TMC4: variants seen among roughly 807,000 people sequenced by gnomAD.
TMC4 encodes the protein transmembrane channel like 4, also known as voltage-gated chloride channel TMC4.
TMC4 carries 70 observed loss-of-function variants against 82.0 expected under a neutral mutation model. The ratio of observed to expected loss-of-function variants is 0.85; its 90% CI spans 0.70 to 1.04. TMC4 has a LOEUF of 1.04. TMC4 is among the 50% of genes least tolerant of loss of function. The probability of loss-of-function intolerance (pLI) is 0.00; values close to 1 mark genes in which losing one functional copy is unlikely to be tolerated. For missense variants in TMC4, 879 were observed against 899.0 expected, an observed-to-expected ratio of 0.98 and a Z score of 0.28; for synonymous variants, 446 against 406.0, an observed-to-expected ratio of 1.10 and a Z score of -1.18.
At chr19:54,165,292 CT>C in intron 6 of TMC4, 126 bp downstream of exon 6, 1 of 1,143,824 alleles carries the variant, frequency 8.7e-7, no homozygotes, top group Middle Eastern at 2.1e-4. Flanking sequence ...CAGGACCTGC[CT>C]TTCTTGGAGA....
At chr19:54,170,992 A>G (rs2075867350) in intron 2 of TMC4, among the ~76,000 whole-genome samples, 1 of 151,880 alleles carries the variant, frequency 6.6e-6, no homozygotes, top group Non-Finnish European at 1.5e-5. Context: ...CACAGGCATG[A>G]TCCCACTACT....
At chr19:54,166,817 G>A (rs2075716894) in intron 5 of TMC4, among the ~76,000 whole-genome samples, 1 of 152,168 alleles carries the variant, frequency 6.6e-6, no homozygotes, top group South Asian at 2.1e-4. Flanking sequence ...GCCGGGCATG[G>A]TGGCACATGC....
chr19:54,162,423 C>T (rs2146869627), intron 10 of TMC4, 138 bp from the exon 11 acceptor site: 1 of 699,310 alleles, frequency 1.4e-6, no homozygotes, highest in South Asian at 2.0e-5. Context: ...CAGGACTCCA[C>T]GTGGAGGGGG....
chr19:54,164,952 G>C (rs974707903), intron 6 of TMC4, among the ~76,000 whole-genome samples: 3 of 151,920 alleles, frequency 2.0e-5, no homozygotes, highest in African/African-American at 7.3e-5. Flanking sequence ...TTTATTCCTG[G>C]CCTGAAGTTC....
rs1568733041 is a variant in TMC4 at position 54,165,372 on chromosome 19, TC to T, written c.945+46del. The T allele has an allele frequency of 4.5e-6, 7 of 1,543,280 alleles. No individual in the cohort carries two copies. The South Asian group carries it at 7.2e-5, about 16-fold the overall frequency. On this transcript the variant is annotated intron_variant, in intron 6 of 14. Transcript: ENST00000619895. ...GGCCCTGTGCGTTATCTCAGCCCGGTCCTGTCTGGTCCCTACCCAGTTGCAG... is the reference window on the plus strand; with the variant it reads ...GGCCCTGTGCGTTATCTCAGCCCGGTCTGTCTGGTCCCTACCCAGTTGCAG...
At chr19:54,164,721 C>T in intron 6 of TMC4, 120 bp from the exon 7 acceptor site, 2 of 1,306,606 alleles carry the variant, frequency 1.5e-6, no homozygotes, top group Non-Finnish European at 2.1e-6. Context: ...GTCTCCCCAC[C>T]CGCTAACAAC....
Position 54,168,976 on chromosome 19 carries a change from C to T in TMC4, c.443-296G>A, listed in dbSNP as rs56839876. Among the ~76,000 whole-genome samples, 55 of 18,474 alleles carry T rather than the reference C, an allele frequency of 3.0e-3. 15 individuals carry two copies. Among genetic ancestry groups the T allele is most frequent in the Non-Finnish European group, 4.0e-3 (41 of 10,280 alleles). 12.1% of individuals were successfully genotyped at this position (18,474 alleles called of 152,430 possible). The stretch of plus-strand genomic sequence containing the variant: ...CCTTCCTTCCTTCCTTCTTCTTTCT[C>T]TCTCTCTCTCTCTCTCTCTATATAT... On this transcript the variant is annotated intron_variant, in intron 3 of 14. Coordinates refer to ENST00000619895, the MANE Select transcript of TMC4 (RefSeq NM_144686.4).
At chr19:54,160,803 C>T in intron 13 of TMC4, 75 bp downstream of exon 13, 1 of 1,561,676 alleles carries the variant, frequency 6.4e-7, no homozygotes, top group Non-Finnish European at 8.7e-7. Flanking sequence ...CCAAGCCTCT[C>T]CTCTCTTGGA....
In TMC4 at chr19:54,162,172, C is replaced by G; in HGVS notation, c.1616G>C (p.Gly539Ala). The G allele has an allele frequency of 6.2e-7, 1 of 1,613,796 alleles. No homozygotes were observed. Among genetic ancestry groups the G allele is most frequent in the Non-Finnish European group, 8.5e-7 (1 of 1,179,920 alleles). Reference protein sequence around the residue: ...LIYAQTVVWVGSFFCPLLPLL... With the variant: ...LIYAQTVVWVASFFCPLLPLL... ...GGGCAGTAAAGGGCAGAAAAAACTCCCCACCCAGACCACCGTCTGCGCGTA... is the reference window on the plus strand; with the variant it reads ...GGGCAGTAAAGGGCAGAAAAAACTCGCCACCCAGACCACCGTCTGCGCGTA... The change falls in exon 11 of 15, where the codon GGG becomes GCG. Residue 539 changes from glycine to alanine, a missense_variant. By Grantham distance (60) the Gly-to-Ala change is moderately conservative (BLOSUM62 0). Coordinates refer to ENST00000619895, the MANE Select transcript of TMC4 (RefSeq NM_144686.4).
Position 54,161,148 on chromosome 19 carries a change from AG to A in TMC4, c.1798del (p.Leu600CysfsTer7). On this transcript the variant is annotated frameshift_variant, in exon 12 of 15. Coordinates refer to ENST00000619895, the MANE Select transcript of TMC4 (RefSeq NM_144686.4). LOFTEE classifies it high-confidence loss of function. The stretch of plus-strand genomic sequence containing the variant: ...CACTTACAGGAAGATGCTGTAAAGC[AG>A]GGGAACGCTGGAGATGGCCAGACCC... Reference protein sequence around the residue: ...LLGLAISSVPLLYSIFLIPPS... With the variant: ...LLGLAISSVPXLYSIFLIPPS... 6.3e-7 allele frequency: 1 copy of A among 1,586,626 alleles called. No homozygotes were observed. The highest frequency in any genetic ancestry group is 1.1e-5 in the South Asian group (1 of 87,940).
chr19:54,169,036 TTTC>T (rs1568748669), intron 3 of TMC4, among the ~76,000 whole-genome samples: 6 of 51,720 alleles, frequency 1.2e-4, no homozygotes, highest in African/African-American at 4.1e-4. Context: ...TTTCTTTTCT[TTTC>T]TTTTTTTTTT....
rs782431377 is a variant in TMC4, at chr19:54,160,289, G to C, written c.*17C>G. The C allele has an allele frequency of 2.1e-5, 32 of 1,513,848 alleles. No homozygotes were observed. Among genetic ancestry groups the C allele is most frequent in the Admixed American group, 1.4e-4 (6 of 44,122 alleles). 93.8% of individuals were successfully genotyped at this position (1,513,848 alleles called of 1,614,324 possible). Reference sequence around the variant, plus strand: ...CAATGGGCCTGGGGTCTGAAAGCGGGACGTGGGCTGCGGGGGTCAAAGAGC... The same window carrying C: ...CAATGGGCCTGGGGTCTGAAAGCGGCACGTGGGCTGCGGGGGTCAAAGAGC... On this transcript the variant is annotated 3_prime_UTR_variant, in exon 15 of 15. Coordinates refer to ENST00000619895, the MANE Select transcript of TMC4 (RefSeq NM_144686.4).
In TMC4 at chr19:54,162,240, C is replaced by T; in HGVS notation, c.1548G>A (p.Gly516=). ...CGTCGGGCACCTGGAACTCTTGGGT[C>T]CCCGCCAGACGACCCAGCGCCCCAG... is the stretch of plus-strand genomic sequence containing the variant. ...LCPGALGRLA[G]TQEFQVPDEV... The change falls in exon 11 of 15, where the codon GGG becomes GGA. Residue 516 remains glycine, a synonymous_variant. Transcript: ENST00000619895. The T allele has an allele frequency of 6.2e-7, 1 of 1,608,514 alleles. No individual in the cohort carries two copies.
chr19:54,171,848 C>T, intron 2 of TMC4, 22 bp downstream of exon 2: 2 of 1,573,710 alleles, frequency 1.3e-6, no homozygotes, highest in Non-Finnish European at 1.7e-6. Flanking sequence ...TGTGCGGGTC[C>T]CAGCTGGAGG....
Position 54,165,401 on chromosome 19 carries a change from C to A in TMC4, c.945+18G>T, listed in dbSNP as rs748370108. On this transcript the variant is annotated intron_variant, in intron 6 of 14. Transcript: ENST00000619895. ...GTCTGGTCCCTACCCAGTTGCAGAC[C>A]CCGCTCCCTAATCGCACCTTTAATT... 22 of 1,582,486 alleles carry A rather than the reference C, an allele frequency of 1.4e-5. No homozygotes were observed. Among genetic ancestry groups the A allele is most frequent in the Non-Finnish European group, 1.9e-5 (22 of 1,157,646 alleles).
chr19:54,172,826 C>G lies in TMC4; in HGVS notation c.79+213G>C, dbSNP rs1029952105. ...CAAACTCCCAGCCCTTAGCCCTCCC[C>G]TCCTCCCAGACTAGCCTGGTTCTCC... On this transcript the variant is annotated intron_variant, in intron 1 of 14. Transcript: ENST00000619895. 7 of 534,474 alleles carry G rather than the reference C, an allele frequency of 1.3e-5. No homozygotes were observed. The Admixed American group carries it at 2.2e-4, about 17-fold the overall frequency. 33.1% of individuals were successfully genotyped at this position (534,474 alleles called of 1,614,324 possible).
intron 13 of TMC4, 121 bp from the exon 14 acceptor site, chr19:54,160,666 T>G (rs2075520702): frequency 6.6e-7 from 1 of 1,521,160 alleles, no homozygotes; most frequent in Middle Eastern, 1.9e-4. Context: ...CTCAAGGAGT[T>G]CAGTCTCCCA....
intron 2 of TMC4, among the ~76,000 whole-genome samples, chr19:54,169,885 T>A (rs2075841826): frequency 6.7e-6 from 1 of 149,478 alleles, no homozygotes; most frequent in Non-Finnish European, 1.5e-5. Flanking sequence ...AGGTCAGGAG[T>A]TCGAGACCAG....
In TMC4 at chr19:54,165,464, G is replaced by A; in HGVS notation, c.900C>T (p.Asp300=). The A allele has an allele frequency of 1.2e-6, 2 of 1,611,286 alleles. No homozygotes were observed. The change falls in exon 6 of 15, where the codon GAC becomes GAT. Residue 300 remains aspartate, a synonymous_variant. Transcript: ENST00000619895. ...FSAWDFGLCG[D]VHVRLRQRII... Reference sequence around the variant, plus strand: ...TGCGCTGGCGCAGCCGCACGTGGACGTCCCCGCAGAGACCGAAGTCCCAGG... The same window carrying A: ...TGCGCTGGCGCAGCCGCACGTGGACATCCCCGCAGAGACCGAAGTCCCAGG...
Sources: gnomAD v4.1 joint callset for allele counts (sites outside exome capture counted in the v4.1 genomes callset) on GRCh38, gnomAD v4.1.1 for gene constraint, MANE v1.5 for transcripts, NCBI Gene and HGNC (gene_info 2026-07-23, HGNC 2026-07-21) for gene names.